Variants in NEDD4L observed in about 807,000 individuals in gnomAD.
NEDD4L encodes NEDD4 like E3 ubiquitin protein ligase.
NEDD4L carries 54 observed loss-of-function variants against 148.9 expected under a neutral mutation model. The observed-to-expected ratio is 0.36, with a 90% CI of 0.29 to 0.45. The LOEUF (loss-of-function observed/expected upper bound fraction) is 0.45, where lower values mean the gene tolerates loss of function less well. Ranked by LOEUF, NEDD4L falls within the 20% of genes least tolerant of loss-of-function variation. The pLI, the probability that NEDD4L is intolerant of heterozygous loss-of-function variation, is 1.00. For synonymous variants in NEDD4L, 433 were observed against 440.7 expected, an observed-to-expected ratio of 0.98 and a Z score of 0.22; for missense variants, 856 against 1,233.8, an observed-to-expected ratio of 0.69 and a Z score of 4.59.
At chr18:58,045,059 C>A (rs959513692) in intron 1 of NEDD4L, 1 of 407,448 alleles carries the variant, frequency 2.5e-6, no homozygotes, top group African/African-American at 2.0e-5. Flanking sequence ...CTTTCCGCCT[C>A]TCGCCCCTGC....
At chr18:58,359,542 T>C (rs2076329077) in intron 19 of NEDD4L, among the ~76,000 whole-genome samples, 1 of 152,238 alleles carries the variant, frequency 6.6e-6, no homozygotes, top group African/African-American at 2.4e-5. Context: ...GTCATTAATA[T>C]GTTTTATCTT....
chr18:58,161,663 T>C (rs2036234687), intron 1 of NEDD4L, among the ~76,000 whole-genome samples: 1 of 152,182 alleles, frequency 6.6e-6, no homozygotes, highest in South Asian at 2.1e-4. Flanking sequence ...CTTTTGGTTT[T>C]GGATGGGAAT....
chr18:58,171,813 C>G (rs144904546), intron 2 of NEDD4L, among the ~76,000 whole-genome samples: 1 of 152,108 alleles, frequency 6.6e-6, no homozygotes, highest in Non-Finnish European at 1.5e-5. Flanking sequence ...GCACAGGAGG[C>G]CTGCCTAGGG....
chr18:58,351,319 G>A, intron 18 of NEDD4L: 1 of 226,522 alleles, frequency 4.4e-6, no homozygotes, highest in Non-Finnish European at 7.3e-6. Context: ...CATTTTGATT[G>A]TTGATCCCTT....
At chr18:58,286,059 G>C (rs73961556) in intron 5 of NEDD4L, among the ~76,000 whole-genome samples, 135 of 152,306 alleles carry the variant, frequency 8.9e-4, no homozygotes, top group African/African-American at 3.0e-3. Context: ...GCAAGTAGAT[G>C]CACGTTCTTA....
At chr18:58,280,379 G>A (rs1250416344) in intron 5 of NEDD4L, among the ~76,000 whole-genome samples, 1 of 152,132 alleles carries the variant, frequency 6.6e-6, no homozygotes, top group African/African-American at 2.4e-5. Flanking sequence ...GAGCACCAGG[G>A]GCTGGCCTGG....
intron 30 of NEDD4L, among the ~76,000 whole-genome samples, chr18:58,393,181 T>TA (rs1286417922): frequency 1.3e-5 from 2 of 152,224 alleles, no homozygotes; most frequent in Non-Finnish European, 2.9e-5. Context: ...ACACATATCT[T>TA]ACTATTGAAC....
chr18:58,061,311 CTG>C (rs1272721773), intron 1 of NEDD4L, among the ~76,000 whole-genome samples: 1 of 152,158 alleles, frequency 6.6e-6, no homozygotes, highest in Non-Finnish European at 1.5e-5. Flanking sequence ...AGATAAAAAA[CTG>C]AGGCATAGAC....
chr18:58,143,599 G>A (rs2033787255), intron 1 of NEDD4L, among the ~76,000 whole-genome samples: 1 of 152,220 alleles, frequency 6.6e-6, no homozygotes, highest in Admixed American at 6.5e-5. Context: ...GGAGAGCGCA[G>A]CAGGATGTTT....
intron 1 of NEDD4L, among the ~76,000 whole-genome samples, chr18:58,093,766 A>G (rs1351359901): frequency 6.6e-6 from 1 of 152,236 alleles, no homozygotes; most frequent in Non-Finnish European, 1.5e-5. Context: ...ACCATCATAA[A>G]TACTTTATTC....
At chr18:58,368,817 ACT>A (rs1029684418) in intron 22 of NEDD4L, among the ~76,000 whole-genome samples, 2 of 151,942 alleles carry the variant, frequency 1.3e-5, no homozygotes, top group African/African-American at 4.8e-5. Context: ...TAAACCACAC[ACT>A]CTTTCCATGT....
At chr18:58,264,882 T>G (rs2049995864) in intron 5 of NEDD4L, among the ~76,000 whole-genome samples, 1 of 152,094 alleles carries the variant, frequency 6.6e-6, no homozygotes, top group South Asian at 2.1e-4. Flanking sequence ...AAATAATTAT[T>G]TTTGAATAAT....
intron 1 of NEDD4L, among the ~76,000 whole-genome samples, chr18:58,104,807 C>A (rs1454565421): frequency 6.6e-6 from 1 of 152,138 alleles, no homozygotes; most frequent in Non-Finnish European, 1.5e-5. Context: ...CTTATGGTTT[C>A]ATACTGAGTA....
At chr18:58,269,665 T>C (rs572148906) in intron 5 of NEDD4L, among the ~76,000 whole-genome samples, 21 of 152,196 alleles carry the variant, frequency 1.4e-4, no homozygotes, top group Non-Finnish European at 2.4e-4. Flanking sequence ...GGGATTCTGA[T>C]TTTCAGTCAG....
At chr18:58,345,270 AAGGCCT>A (rs1274292449) in intron 16 of NEDD4L, among the ~76,000 whole-genome samples, 3 of 152,214 alleles carry the variant, frequency 2.0e-5, no homozygotes, top group Middle Eastern at 3.2e-3. Context: ...CTTCTAAACA[AAGGCCT>A]AGGCAGGATT....
intron 13 of NEDD4L, 123 bp from the exon 14 acceptor site, chr18:58,340,915 T>C (rs2042335587): frequency 2.0e-6 from 2 of 979,904 alleles, no homozygotes; most frequent in Non-Finnish European, 3.0e-6. Flanking sequence ...AAGTGTTTTC[T>C]ATATAAATAG....
chr18:58,117,759 G>A (rs1282912724), intron 1 of NEDD4L, among the ~76,000 whole-genome samples: 1 of 152,076 alleles, frequency 6.6e-6, no homozygotes, highest in Non-Finnish European at 1.5e-5. Context: ...TTGTGTTCTG[G>A]AATCGCTTAT....
At position 58,051,395 on chromosome 18, in the gene NEDD4L, T is replaced by C. The variant is rs189741668; in HGVS notation, c.48+6687T>C. Among the ~76,000 whole-genome samples, 294 of 152,350 alleles carry C rather than the reference T, an allele frequency of 1.9e-3. 2 individuals carry two copies. Among genetic ancestry groups the C allele is most frequent in the African/African-American group, 6.6e-3 (275 of 41,584 alleles). On this transcript the variant is annotated intron_variant, in intron 1 of 30. Coordinates refer to ENST00000400345, the MANE Select transcript of NEDD4L (RefSeq NM_001144967.3). ...ATCTGAATAAAACTGTTTAAAAATA[T>C]TAAGAATGATTGAGTGTGACATTAT...
chr18:58,170,201 T>A (rs2037395153), intron 2 of NEDD4L, among the ~76,000 whole-genome samples: 1 of 152,110 alleles, frequency 6.6e-6, no homozygotes, highest in African/African-American at 2.4e-5. Flanking sequence ...TTTTCCCCTC[T>A]GCCTGGCATC....
Sources: gnomAD v4.1 joint callset for allele counts (sites outside exome capture counted in the v4.1 genomes callset) on GRCh38, gnomAD v4.1.1 for gene constraint, MANE v1.5 for transcripts, NCBI Gene and HGNC (gene_info 2026-07-23, HGNC 2026-07-21) for gene names.